NHEJ1: variants seen among roughly 807,000 people sequenced by gnomAD.
The protein encoded by NHEJ1 is non-homologous end joining factor 1.
In NHEJ1, 22 loss-of-function variants were observed where a neutral mutation model predicts 39.4. The observed-to-expected ratio is 0.56, with a 90% confidence interval of 0.40 to 0.80. The LOEUF (loss-of-function observed/expected upper bound fraction) is 0.80. NHEJ1 is among the 30% of genes least tolerant of loss of function. NHEJ1 has a pLI of 0.00. For synonymous variants in NHEJ1, 154 were observed against 135.6 expected (o/e 1.14, Z -0.94); for missense variants, 329 against 357.1 (o/e 0.92, Z 0.63).
chr2:219,118,694 A>G (rs1360090156), intron 5 of NHEJ1, among the ~76,000 whole-genome samples: 1 of 152,252 alleles, frequency 6.6e-6, no homozygotes, highest in Non-Finnish European at 1.5e-5. Context: ...CAAAGGGGCC[A>G]CAGGGGATTC....
chr2:219,109,680 G>C (rs951529837), intron 5 of NHEJ1, among the ~76,000 whole-genome samples: 1 of 152,162 alleles, frequency 6.6e-6, no homozygotes, highest in Non-Finnish European at 1.5e-5. Flanking sequence ...GGGCAAGGAG[G>C]CGTGGGTTGG....
chr2:219,095,706 T>C (rs1488026731), intron 5 of NHEJ1, among the ~76,000 whole-genome samples: 1 of 152,160 alleles, frequency 6.6e-6, no homozygotes, highest in Non-Finnish European at 1.5e-5. Flanking sequence ...GTATGGGTAC[T>C]ATTATAAATG....
intron 5 of NHEJ1, among the ~76,000 whole-genome samples, chr2:219,129,229 C>G (rs767208718): frequency 2.6e-5 from 4 of 152,172 alleles, no homozygotes; most frequent in Admixed American, 1.3e-4. Flanking sequence ...AACAGTGCAC[C>G]TATGCATGAT....
At chr2:219,097,251 A>T (rs2106330876) in intron 5 of NHEJ1, among the ~76,000 whole-genome samples, 1 of 152,356 alleles carries the variant, frequency 6.6e-6, no homozygotes, top group South Asian at 2.1e-4. Flanking sequence ...ACCCCATCAT[A>T]AGTCAAGGGA....
In NHEJ1 at chr2:219,157,325, T is replaced by C. The variant is rs574596678; in HGVS notation, c.390+147A>G. 24 of 692,474 alleles carry C rather than the reference T, an allele frequency of 3.5e-5. No individual in the cohort carries two copies. In the Admixed American group the frequency reaches 5.1e-4, roughly 15 times the overall value. 42.9% of individuals were successfully genotyped at this position (692,474 alleles called of 1,614,324 possible). On this transcript the variant is annotated intron_variant, in intron 3 of 7. Coordinates refer to ENST00000356853, the MANE Select transcript of NHEJ1 (RefSeq NM_024782.3). ...AAGGAAAGGATTTAACAGTCAAGAA[T>C]CCTTTTTGCCTTCTGTTTAGTCAAG... is the stretch of plus-strand genomic sequence containing the variant.
rs1273906661 is a variant in NHEJ1, at chr2:219,130,509, T to C, written c.588+16171A>G. ...GGCTGTAAGAAAACAGAGCGGTAAA[T>C]AGGGCATCAATATTTCCCTCCTTCT... On this transcript the variant is annotated intron_variant, in intron 5 of 7. Transcript: ENST00000356853. Among the ~76,000 whole-genome samples the C allele has an allele frequency of 2.7e-5, 4 of 149,724 alleles. No homozygotes were observed. The East Asian group carries it at 7.9e-4, about 30-fold the overall frequency.
chr2:219,086,610 A>G (rs1949113840), intron 5 of NHEJ1, among the ~76,000 whole-genome samples: 1 of 152,162 alleles, frequency 6.6e-6, no homozygotes, highest in Admixed American at 6.5e-5. Flanking sequence ...GGAAAAATGA[A>G]TCTCTGGTAT....
chr2:219,078,053 A>G (rs760872444), intron 6 of NHEJ1, 36 bp downstream of exon 6: 2 of 1,400,596 alleles, frequency 1.4e-6, no homozygotes, highest in African/African-American at 2.8e-5. Flanking sequence ...TCCTAATTGT[A>G]TCCTCACACA....
rs114023220 is a variant in NHEJ1 at position 219,118,362 on chromosome 2, G to C, written c.588+28318C>G. 2.9e-3 allele frequency among the ~76,000 whole-genome samples: 438 copies of C among 150,488 alleles called. 2 individuals carry two copies. The highest frequency in any genetic ancestry group is 9.5e-3 in the African/African-American group (388 of 40,832). ...GTTCATACCTTCCTGAACTAACATA[G>C]TGGAGAATGGACACTAAGGAATTCT... On this transcript the variant is annotated intron_variant, in intron 5 of 7. Coordinates refer to ENST00000356853, the MANE Select transcript of NHEJ1 (RefSeq NM_024782.3).
At chr2:219,104,053 TTTTG>T (rs1949291584) in intron 5 of NHEJ1, among the ~76,000 whole-genome samples, 1 of 152,092 alleles carries the variant, frequency 6.6e-6, no homozygotes, top group South Asian at 2.1e-4. Context: ...TTGGTTCTGG[TTTTG>T]TTTTTTTTTG....
chr2:219,106,722 A>G (rs1370363747), intron 5 of NHEJ1, among the ~76,000 whole-genome samples: 3 of 152,188 alleles, frequency 2.0e-5, no homozygotes, highest in African/African-American at 7.2e-5. Flanking sequence ...GCCATACTCA[A>G]TGTTATTAAA....
chr2:219,082,822 G>C (rs1362821917), intron 5 of NHEJ1, among the ~76,000 whole-genome samples: 2 of 152,224 alleles, frequency 1.3e-5, no homozygotes, highest in Admixed American at 6.5e-5. Context: ...CTCTTGCAAT[G>C]TGGTAAACAT....
At chr2:219,118,457 G>C (rs1462257763) in intron 5 of NHEJ1, among the ~76,000 whole-genome samples, 2 of 152,086 alleles carry the variant, frequency 1.3e-5, no homozygotes, top group Non-Finnish European at 2.9e-5. Context: ...TATTCACTTG[G>C]GGGTAGGCAG....
chr2:219,108,451 G>A (rs971438627), intron 5 of NHEJ1, among the ~76,000 whole-genome samples: 4 of 152,110 alleles, frequency 2.6e-5, no homozygotes, highest in Non-Finnish European at 5.9e-5. Context: ...AAGCACCCTT[G>A]GATTCATGTG....
At chr2:219,080,599 G>A (rs991437136) in intron 5 of NHEJ1, among the ~76,000 whole-genome samples, 1 of 108,374 alleles carries the variant, frequency 9.2e-6, no homozygotes, top group Non-Finnish European at 2.1e-5. Flanking sequence ...ATATATATAT[G>A]CTAATATATA....
At chr2:219,155,903 C>CAA (rs1949849809) in intron 3 of NHEJ1, among the ~76,000 whole-genome samples, 1 of 147,714 alleles carries the variant, frequency 6.8e-6, no homozygotes. Context: ...CCAGCCTGGG[C>CAA]GAGAGCGAGA....
At position 219,145,864 on chromosome 2, in the gene NHEJ1, G is replaced by A. The variant is rs186265966; in HGVS notation, c.588+816C>T. 5.8e-3 allele frequency among the ~76,000 whole-genome samples: 874 copies of A among 151,580 alleles called. 6 individuals are homozygous for A. Among genetic ancestry groups the A allele is most frequent in the South Asian group, 0.037 (176 of 4,798 alleles). On this transcript the variant is annotated intron_variant, in intron 5 of 7. Coordinates refer to ENST00000356853, the MANE Select transcript of NHEJ1 (RefSeq NM_024782.3). ...GGATAATCGCTTGAACCCGGGAGGC[G>A]GAGGTTGCTGTGAGCCGAGATCGCA...
At chr2:219,093,126 G>A (rs757568565) in intron 5 of NHEJ1, among the ~76,000 whole-genome samples, 1 of 152,104 alleles carries the variant, frequency 6.6e-6, no homozygotes, top group Non-Finnish European at 1.5e-5. Context: ...TTCAGGGTAC[G>A]TATACTCTAG....
chr2:219,091,488 C>T (rs537471555), intron 5 of NHEJ1, among the ~76,000 whole-genome samples: 1 of 152,128 alleles, frequency 6.6e-6, no homozygotes, highest in South Asian at 2.1e-4. Flanking sequence ...CTCCCTAAGT[C>T]CTGTAGAGAT....
Sources: gnomAD v4.1 joint callset for allele counts (sites outside exome capture counted in the v4.1 genomes callset) on GRCh38, gnomAD v4.1.1 for gene constraint, MANE v1.5 for transcripts, NCBI Gene and HGNC (gene_info 2026-07-23, HGNC 2026-07-21) for gene names.